The following LARS1 variants were observed in gnomAD, a reference collection of about 807,000 sequenced individuals.
The protein encoded by LARS1 is leucine--tRNA ligase, cytoplasmic.
A neutral mutation model predicts 162.8 loss-of-function variants in LARS1; 100 were observed. That is an observed-to-expected ratio of 0.61 (90% confidence interval 0.52 to 0.73). The LOEUF (loss-of-function observed/expected upper bound fraction) is 0.73, where lower values mean the gene tolerates loss of function less well. LARS1 is among the 30% of genes least tolerant of loss of function. The probability of loss-of-function intolerance (pLI) is 0.00; values close to 1 mark genes in which losing one functional copy is unlikely to be tolerated. For missense variants in LARS1, 1,258 were observed against 1,408.9 expected, an observed-to-expected ratio of 0.89 and a Z score of 1.71; for synonymous variants, 457 against 462.8, an observed-to-expected ratio of 0.99 and a Z score of 0.16.
rs1259225237 is a variant in LARS1, at chr5:146,131,099, C to A, written c.2407G>T (p.Ala803Ser). The A allele has an allele frequency of 6.5e-7, 1 of 1,548,612 alleles. No homozygotes were observed. Among genetic ancestry groups the A allele is most frequent in the Non-Finnish European group, 8.8e-7 (1 of 1,130,470 alleles). The change falls in exon 24 of 32, where the codon GCA becomes TCA. Residue 803 changes from alanine to serine, a missense_variant. By Grantham distance (99) the Ala-to-Ser change is moderately conservative. Coordinates refer to ENST00000394434, the MANE Select transcript of LARS1 (RefSeq NM_020117.11). ...NDRVFASELN[A>S]GIIKTDQNYE... ...TTTTGATCTGTTTTTATAATTCCTG[C>A]ATTCAATTCACTATTGAATACGGGG...
At chr5:146,156,888 A>C (rs548263943) in intron 10 of LARS1, among the ~76,000 whole-genome samples, 1 of 152,212 alleles carries the variant, frequency 6.6e-6, no homozygotes, top group South Asian at 2.1e-4. Flanking sequence ...TCTCTTGGGG[A>C]GGACTGCCTA....
At chr5:146,142,711 G>T in intron 20 of LARS1, 161 bp downstream of exon 20, 1 of 577,008 alleles carries the variant, frequency 1.7e-6, no homozygotes, top group African/African-American at 1.9e-5. Flanking sequence ...GTAAGAGATA[G>T]GAGGTGGCCT....
intron 2 of LARS1, among the ~76,000 whole-genome samples, chr5:146,174,105 T>C (rs968053687): frequency 8.3e-6 from 1 of 120,250 alleles, no homozygotes; most frequent in Non-Finnish European, 1.6e-5. Flanking sequence ...GCTTCAAGTA[T>C]AACACCAGAG....
At chr5:146,182,420 T>A (rs199614852) in intron 1 of LARS1, 68 bp downstream of exon 1, 2 of 1,599,636 alleles carry the variant, frequency 1.3e-6, no homozygotes, top group East Asian at 4.5e-5. Flanking sequence ...GGACAGCACA[T>A]GGAGAGCCCC....
chr5:146,135,054 T>C (rs1581025489), intron 22 of LARS1, among the ~76,000 whole-genome samples: 1 of 152,218 alleles, frequency 6.6e-6, no homozygotes, highest in South Asian at 2.1e-4. Flanking sequence ...TTGCCTAAGC[T>C]GGAGTGCAAT....
At position 146,130,130 on chromosome 5, in the gene LARS1, GC is replaced by G. The variant is rs764537553; in HGVS notation, c.2515del (p.Ala839LeufsTer43). ...AAGTTCTCTGTGCATCCCTTCCACAGCCAATTCACGGTACTTATCTTTTGCG... is the reference window on the plus strand; with the variant it reads ...AAGTTCTCTGTGCATCCCTTCCACAGCAATTCACGGTACTTATCTTTTGCG... ...QAAKDKYRELAVEGMHRELVF... is the reference protein window; with the variant it reads ...QAAKDKYRELXVEGMHRELVF... On this transcript the variant is annotated frameshift_variant, in exon 25 of 32. Transcript: ENST00000394434. LOFTEE classifies it high-confidence loss of function. 1.2e-6 allele frequency: 2 copies of G among 1,613,652 alleles called. No individual in the cohort carries two copies. The highest frequency in any genetic ancestry group is 3.3e-5 in the Admixed American group (2 of 59,944).
rs1752935480 is a variant in LARS1 at position 146,144,642 on chromosome 5, A to G, written c.1571T>C (p.Val524Ala). ...VMSRSSDECVVALCDQWYLDY... is the reference protein window; with the variant it reads ...VMSRSSDECVAALCDQWYLDY... ...GACTAACCACTGGTCACACAGAGCC[A>G]CAACACATTCATCTGACGACCTGGA... Residue 524 changes from valine (V) to alanine (A), a missense_variant, in exon 16 of 32, where the codon GTG (valine) becomes GCG (alanine). Transcript: ENST00000394434. 1.9e-6 allele frequency: 3 copies of G among 1,614,012 alleles called. No individual in the cohort carries two copies. The highest frequency in any genetic ancestry group is 2.5e-6 in the Non-Finnish European group (3 of 1,180,026).
chr5:146,147,887 T>C (rs1753088688), intron 15 of LARS1, among the ~76,000 whole-genome samples: 1 of 152,092 alleles, frequency 6.6e-6, no homozygotes, highest in African/African-American at 2.4e-5. Context: ...AATTTCAGGA[T>C]ACTGGGAGAA....
At chr5:146,157,363 A>T in intron 10 of LARS1, 40 bp downstream of exon 10, 1 of 1,549,682 alleles carries the variant, frequency 6.5e-7, no homozygotes, top group Non-Finnish European at 8.9e-7. Context: ...TTTTCCTTGA[A>T]ATTTACGCAT....
chr5:146,126,489 C>A lies in LARS1; in HGVS notation c.2937G>T (p.Met979Ile). The A allele has an allele frequency of 6.2e-7, 1 of 1,612,472 alleles. No individual in the cohort carries two copies. Among genetic ancestry groups the A allele is most frequent in the Non-Finnish European group, 8.5e-7 (1 of 1,178,904 alleles). Residue 979 changes from methionine (M) to isoleucine (I), a missense_variant, in exon 28 of 32, where the codon ATG becomes ATT. Coordinates refer to ENST00000394434, the MANE Select transcript of LARS1 (RefSeq NM_020117.11). ...TCTTCATGTATTTCTTCAGTTCTGG[C>A]ATACTGCCTAGTTCACTAGCAATGA... The part of the protein sequence containing the change: ...NKVIASELGS[M>I]PELKKYMKKV...
intron 15 of LARS1, among the ~76,000 whole-genome samples, chr5:146,148,420 A>T (rs1753116265): frequency 6.6e-6 from 1 of 152,210 alleles, no homozygotes; most frequent in South Asian, 2.1e-4. Context: ...AAAAGAGTTG[A>T]GAAATGGAGT....
At position 146,143,101 on chromosome 5, in the gene LARS1, ACAAAC is replaced by A; in HGVS notation, c.1878-22_1878-18del. 7.0e-7 allele frequency: 1 copy of A among 1,429,468 alleles called. No homozygotes were observed. The highest frequency in any genetic ancestry group is 9.6e-7 in the Non-Finnish European group (1 of 1,038,556). 88.5% of individuals were successfully genotyped at this position (1,429,468 alleles called of 1,614,324 possible). On this transcript the variant is annotated intron_variant, in intron 19 of 31. Coordinates refer to ENST00000394434, the MANE Select transcript of LARS1 (RefSeq NM_020117.11). The stretch of plus-strand genomic sequence containing the variant: ...TGTTGCGGTCTGTATTAAAAATAAA[ACAAAC>A]TATTTTATATATATATATATGTAAT...
chr5:146,149,646 A>G lies in LARS1; in HGVS notation c.1479T>C (p.Thr493=). Reference sequence around the variant, plus strand: ...CAGCGTCAATCATCTTTTTCTGAATAGTCTTCTTTACATCTTGAACCTTCT... The same window carrying G: ...CAGCGTCAATCATCTTTTTCTGAATGGTCTTCTTTACATCTTGAACCTTCT... ...KGQKVQDVKK[T]IQKKMIDAGD... The change falls in exon 15 of 32, where the codon ACT becomes ACC. Residue 493 remains threonine (T), a synonymous_variant. Coordinates refer to ENST00000394434, the MANE Select transcript of LARS1 (RefSeq NM_020117.11). 6.2e-7 allele frequency: 1 copy of G among 1,613,018 alleles called. No individual in the cohort carries two copies.
chr5:146,161,039 C>T lies in LARS1; in HGVS notation c.595-553G>A, dbSNP rs114726995. 6.0e-3 allele frequency among the ~76,000 whole-genome samples: 909 copies of T among 152,236 alleles called. 10 individuals carry two copies. Among genetic ancestry groups the T allele is most frequent in the African/African-American group, 0.021 (872 of 41,536 alleles). On this transcript the variant is annotated intron_variant, in intron 6 of 31. Transcript: ENST00000394434. ...GAGATATTGTGGGTTTGGTTCTAAA[C>T]CACCACAACAAAACAAGTCACACAA...
intron 28 of LARS1, among the ~76,000 whole-genome samples, chr5:146,124,487 G>T (rs1581008924): frequency 6.6e-6 from 1 of 151,712 alleles, no homozygotes; most frequent in East Asian, 1.9e-4. Context: ...TTAATTTTCT[G>T]AGATACCACC....
At chr5:146,163,243 T>C (rs189301210) in intron 6 of LARS1, among the ~76,000 whole-genome samples, 5 of 152,356 alleles carry the variant, frequency 3.3e-5, no homozygotes, top group Admixed American at 2.0e-4. Flanking sequence ...AGTTAGGGAC[T>C]TCCTCTGGAT....
intron 31 of LARS1, among the ~76,000 whole-genome samples, chr5:146,117,224 A>AT (rs1471751142): frequency 6.6e-6 from 1 of 152,168 alleles, no homozygotes; most frequent in Non-Finnish European, 1.5e-5. Context: ...TCAGTGCTAT[A>AT]TTTGAGTACA....
Position 146,142,862 on chromosome 5 carries a change from T to C in LARS1, c.2090+10A>G. 6.2e-7 allele frequency: 1 copy of C among 1,605,022 alleles called. No individual in the cohort carries two copies. Among genetic ancestry groups the C allele is most frequent in the South Asian group, 1.1e-5 (1 of 90,616 alleles). On this transcript the variant is annotated intron_variant, in intron 20 of 31. Transcript: ENST00000394434. ...CAATAAATCTAGTCCACACCTATTT[T>C]ATCATTCACCTTTGTTCCGGCCACA...
intron 24 of LARS1, chr5:146,130,808 A>C (rs1398579707): frequency 2.5e-6 from 1 of 400,284 alleles, no homozygotes; most frequent in Non-Finnish European, 4.4e-6. Flanking sequence ...AACTAGGAGC[A>C]GAATTATTAA....
Sources: gnomAD v4.1 joint callset for allele counts (sites outside exome capture counted in the v4.1 genomes callset) on GRCh38, gnomAD v4.1.1 for gene constraint, MANE v1.5 for transcripts, NCBI Gene and HGNC (gene_info 2026-07-23, HGNC 2026-07-21) for gene names.